CACNG3: variants seen among roughly 807,000 people sequenced by gnomAD.
The protein encoded by CACNG3 is calcium voltage-gated channel auxiliary subunit gamma 3.
CACNG3 carries 3 observed loss-of-function variants against 28.5 expected under a neutral mutation model. The ratio of observed to expected loss-of-function variants is 0.11; its 90% CI spans 0.05 to 0.27. CACNG3 has a LOEUF of 0.27. CACNG3 is among the 10% of genes least tolerant of loss of function. The pLI is 1.00. For missense variants in CACNG3, 236 were observed against 414.4 expected (o/e 0.57, Z 3.74); for synonymous variants, 174 against 162.2 (o/e 1.07, Z -0.55).
intron 1 of CACNG3, among the ~76,000 whole-genome samples, chr16:24,299,124 G>C (rs1899073307): frequency 6.6e-6 from 1 of 152,126 alleles, no homozygotes; most frequent in African/African-American, 2.4e-5. Flanking sequence ...TAGGAAATTA[G>C]GCTTCACTTC....
At chr16:24,325,653 A>G (rs889974762) in intron 1 of CACNG3, among the ~76,000 whole-genome samples, 3 of 152,246 alleles carry the variant, frequency 2.0e-5, no homozygotes, top group Admixed American at 2.0e-4. Flanking sequence ...GATGCTCACA[A>G]CAAGCCCGAC....
intron 1 of CACNG3, among the ~76,000 whole-genome samples, chr16:24,283,398 A>T (rs1395705795): frequency 1.3e-5 from 2 of 152,178 alleles, no homozygotes; most frequent in Admixed American, 6.5e-5. Flanking sequence ...TAACATTTTC[A>T]TCATTCAAGC....
chr16:24,308,141 C>T (rs1899211133), intron 1 of CACNG3, among the ~76,000 whole-genome samples: 1 of 152,186 alleles, frequency 6.6e-6, no homozygotes, highest in Admixed American at 6.5e-5. Flanking sequence ...GGATCTTTGA[C>T]TGTGGATACT....
At chr16:24,266,822 G>A (rs1898615338) in intron 1 of CACNG3, among the ~76,000 whole-genome samples, 1 of 152,164 alleles carries the variant, frequency 6.6e-6, no homozygotes, top group South Asian at 2.1e-4. Flanking sequence ...GGGCAAGTCT[G>A]CCCTTCTTCC....
intron 1 of CACNG3, among the ~76,000 whole-genome samples, chr16:24,278,473 G>T (rs1039349330): frequency 1.7e-4 from 26 of 152,032 alleles, no homozygotes; most frequent in Non-Finnish European, 3.2e-4. Context: ...AAAATTAGCT[G>T]GGTGTGGTGG....
chr16:24,323,916 C>G (rs895530009), intron 1 of CACNG3, among the ~76,000 whole-genome samples: 1 of 152,256 alleles, frequency 6.6e-6, no homozygotes, highest in East Asian at 1.9e-4. Flanking sequence ...TACAGGTGCA[C>G]ACCACCACAC....
intron 1 of CACNG3, among the ~76,000 whole-genome samples, chr16:24,265,391 GAA>G: frequency 7.0e-6 from 1 of 142,228 alleles, no homozygotes; most frequent in East Asian, 2.1e-4. Flanking sequence ...AGAAAAGAAA[GAA>G]GAAAGAAAGA....
At chr16:24,327,167 G>C (rs571211619) in intron 1 of CACNG3, among the ~76,000 whole-genome samples, 3 of 129,074 alleles carry the variant, frequency 2.3e-5, no homozygotes, top group Admixed American at 8.2e-5. Flanking sequence ...ATAGCAATGA[G>C]AGAAGGAAGA....
intron 1 of CACNG3, among the ~76,000 whole-genome samples, chr16:24,276,165 T>C (rs1898751112): frequency 6.6e-6 from 1 of 152,334 alleles, no homozygotes; most frequent in East Asian, 1.9e-4. Context: ...ATCTCTCTTC[T>C]CTTGAGCCAG....
chr16:24,306,814 T>C (rs1281741444), intron 1 of CACNG3, among the ~76,000 whole-genome samples: 1 of 152,084 alleles, frequency 6.6e-6, no homozygotes, highest in Non-Finnish European at 1.5e-5. Context: ...CTCACCCCCA[T>C]TTTACAGATG....
At chr16:24,323,239 A>AAAAAAG (rs1555460944) in intron 1 of CACNG3, among the ~76,000 whole-genome samples, 1 of 143,026 alleles carries the variant, frequency 7.0e-6, no homozygotes, top group African/African-American at 2.6e-5. Flanking sequence ...AAAAAAAAAA[A>AAAAAAG]AGAGAGAGAG....
chr16:24,282,643 C>T (rs1024721934), intron 1 of CACNG3, among the ~76,000 whole-genome samples: 3 of 152,062 alleles, frequency 2.0e-5, no homozygotes, highest in Non-Finnish European at 4.4e-5. Context: ...CACAAAGTTG[C>T]TCTCAAAGAT....
chr16:24,267,243 G>C (rs1898624002), intron 1 of CACNG3, among the ~76,000 whole-genome samples: 1 of 152,146 alleles, frequency 6.6e-6, no homozygotes, highest in African/African-American at 2.4e-5. Flanking sequence ...TGGGATTACA[G>C]GTTTGAGCCA....
In CACNG3 at chr16:24,295,839, C is replaced by T. The variant is rs927612266; in HGVS notation, c.211+38874C>T. On this transcript the variant is annotated intron_variant, in intron 1 of 3. Transcript: ENST00000005284. ...CTCCAGCCTGGGCTACAGAGTAAGA[C>T]GCTGTCTCAAAACAAACAAACAAAC... Among the ~76,000 whole-genome samples, 7 of 152,134 alleles carry T rather than the reference C, an allele frequency of 4.6e-5. No individual in the cohort carries two copies. In the East Asian group the frequency reaches 5.8e-4, roughly 13 times the overall value.
At chr16:24,265,822 A>G (rs1898602584) in intron 1 of CACNG3, among the ~76,000 whole-genome samples, 1 of 152,230 alleles carries the variant, frequency 6.6e-6, no homozygotes, top group Non-Finnish European at 1.5e-5. Context: ...TCTATATAAT[A>G]TCCTCAATTT....
intron 1 of CACNG3, among the ~76,000 whole-genome samples, chr16:24,306,547 C>T (rs1428648575): frequency 6.6e-6 from 1 of 152,188 alleles, no homozygotes; most frequent in African/African-American, 2.4e-5. Flanking sequence ...TTGCCTCTAA[C>T]ACCAGGTACC....
intron 1 of CACNG3, among the ~76,000 whole-genome samples, chr16:24,269,768 GAGAAAGAAGAA>G (rs1898661447): frequency 8.6e-6 from 1 of 116,406 alleles, no homozygotes; most frequent in Non-Finnish European, 1.8e-5. Flanking sequence ...AAAAAAAAAA[GAGAAAGAAGAA>G]AGAAAGAAAA....
chr16:24,258,344 A>G (rs1898496471), intron 1 of CACNG3, among the ~76,000 whole-genome samples: 1 of 152,224 alleles, frequency 6.6e-6, no homozygotes, highest in African/African-American at 2.4e-5. Context: ...TGGGAAGCCC[A>G]GGTAGGAAAG....
Position 24,256,743 on chromosome 16 carries a change from C to T in CACNG3, c.-12C>T, listed in dbSNP as rs901066179. On this transcript the variant is annotated 5_prime_UTR_variant, in exon 1 of 4. Transcript: ENST00000005284. This position sits in a 1 kb window ranked among gnomAD's most constrained non-coding sequence, Gnocchi z 4.6. The stretch of plus-strand genomic sequence containing the variant: ...CTCCAACCCCCAGCCGTCCAGAGTA[C>T]CATGAAGAATTATGAGGATGTGTGA... 1.3e-6 allele frequency: 2 copies of T among 1,587,312 alleles called. No individual in the cohort carries two copies. Among genetic ancestry groups the T allele is most frequent in the Middle Eastern group, 1.7e-4 (1 of 5,844 alleles).
Sources: gnomAD v4.1 joint callset for allele counts (sites outside exome capture counted in the v4.1 genomes callset) on GRCh38, gnomAD v4.1.1 for gene constraint, Gnocchi (gnomAD v3.1) non-coding constraint, MANE v1.5 for transcripts, NCBI Gene and HGNC (gene_info 2026-07-23, HGNC 2026-07-21) for gene names.